Variants in HACD1 observed in about 807,000 individuals in gnomAD.
HACD1 encodes the protein 3-hydroxyacyl-CoA dehydratase 1.
A neutral mutation model predicts 32.0 loss-of-function variants in HACD1; 41 were observed. That is an observed-to-expected ratio of 1.28 (90% CI 1.00 to 1.66). The LOEUF (loss-of-function observed/expected upper bound fraction) is 1.66, where lower values mean the gene tolerates loss of function less well. Among genes scored for constraint, HACD1 ranks in the 40% most tolerant of loss-of-function variants. The pLI is 0.00. For missense variants in HACD1, 396 were observed against 380.1 expected, an observed-to-expected ratio of 1.04 and a Z score of -0.35; for synonymous variants, 142 against 139.0, an observed-to-expected ratio of 1.02 and a Z score of -0.15.
intron 6 of HACD1, among the ~76,000 whole-genome samples, chr10:17,593,013 C>A (rs1554815705): frequency 6.6e-6 from 1 of 152,042 alleles, no homozygotes; most frequent in African/African-American, 2.4e-5. Context: ...ACCAGCCTGG[C>A]CAATATGGTG....
In HACD1 at chr10:17,604,045, C is replaced by T; in HGVS notation, c.260G>A (p.Trp87Ter). 2 of 1,547,106 alleles carry T rather than the reference C, an allele frequency of 1.3e-6. No homozygotes were observed. The highest frequency in any genetic ancestry group is 1.2e-5 in the South Asian group (1 of 82,788). ...TACCATGGCAATAGCTAGAACCAAC[C>T]ACCTAAAAAAAAAAAGTATTTCATA... Reference protein sequence around the residue: ...TFYDIAMTAGWLVLAIAMVRF... With the variant: ...TFYDIAMTAG The change falls in exon 2 of 7, where the codon TGG becomes TAG. Residue 87 changes from tryptophan to a stop codon, truncating the protein, a stop_gained and splice_region_variant. Transcript: ENST00000361271. LOFTEE classifies it high-confidence loss of function.
At chr10:17,604,768 C>T (rs1834122601) in intron 1 of HACD1, among the ~76,000 whole-genome samples, 1 of 152,194 alleles carries the variant, frequency 6.6e-6, no homozygotes, top group Admixed American at 6.5e-5. Context: ...GGCAGTGGCG[C>T]AGTCTTGCCT....
At chr10:17,595,649 C>G (rs1043825092) in intron 5 of HACD1, among the ~76,000 whole-genome samples, 2 of 151,948 alleles carry the variant, frequency 1.3e-5, no homozygotes, top group African/African-American at 4.8e-5. Context: ...ACTCTGTGTT[C>G]TACTGGCTGG....
chr10:17,614,179 A>G (rs1185157827), intron 1 of HACD1, among the ~76,000 whole-genome samples: 1 of 152,168 alleles, frequency 6.6e-6, no homozygotes, highest in African/African-American at 2.4e-5. Flanking sequence ...ACGGTGGCTC[A>G]CACCTGTAAT....
intron 5 of HACD1, 192 bp downstream of exon 5, chr10:17,599,098 C>G: frequency 1.9e-6 from 2 of 1,026,808 alleles, no homozygotes; most frequent in Non-Finnish European, 2.5e-6. Context: ...TTTATTAATA[C>G]GATTCCTCTC....
At chr10:17,596,905 A>T (rs1554816055) in intron 5 of HACD1, among the ~76,000 whole-genome samples, 1 of 152,200 alleles carries the variant, frequency 6.6e-6, no homozygotes, top group African/African-American at 2.4e-5. Flanking sequence ...ACTTATAACT[A>T]AGAAGCCATT....
At chr10:17,606,179 A>AAG (rs1208281984) in intron 1 of HACD1, among the ~76,000 whole-genome samples, 2 of 152,112 alleles carry the variant, frequency 1.3e-5, no homozygotes, top group Non-Finnish European at 2.9e-5. Flanking sequence ...CAAAAAAAAC[A>AAG]AGAGAGAGAG....
At chr10:17,613,757 G>A (rs1184477048) in intron 1 of HACD1, among the ~76,000 whole-genome samples, 1 of 152,294 alleles carries the variant, frequency 6.6e-6, no homozygotes, top group Non-Finnish European at 1.5e-5. Flanking sequence ...ATTTAATTCT[G>A]CACCAGGTAA....
At chr10:17,600,611 C>A (rs1834056756) in intron 4 of HACD1, among the ~76,000 whole-genome samples, 1 of 152,082 alleles carries the variant, frequency 6.6e-6, no homozygotes, top group Non-Finnish European at 1.5e-5. Flanking sequence ...CAGGCATGAG[C>A]CACCATGCCC....
In HACD1 at chr10:17,599,344, G is replaced by A. The variant is rs1834037277; in HGVS notation, c.551C>T (p.Ser184Phe). Residue 184 changes from serine (S) to phenylalanine (F), a missense_variant, in exon 5 of 7, where the codon TCC (serine) becomes TTC (phenylalanine). Transcript: ENST00000361271. The part of the protein sequence containing the change: ...AWTVTEITRY[S>F]FYTFSLLDHL... Reference sequence around the variant, plus strand: ...GTCAAGAAGGCTGAATGTGTAGAAGGAATAGCGAGTGATCTCTGTCACAGT... The same window carrying A: ...GTCAAGAAGGCTGAATGTGTAGAAGAAATAGCGAGTGATCTCTGTCACAGT... 5.6e-6 allele frequency: 9 copies of A among 1,614,038 alleles called. No individual in the cohort carries two copies. The highest frequency in any genetic ancestry group is 1.3e-5 in the African/African-American group (1 of 75,058).
Position 17,617,100 on chromosome 10 carries a change from G to A in HACD1, c.240C>T (p.Asp80=). ...GCGCGTACCCCGCGGTCATGGCGAT[G>A]TCGTAGAAGGTGAGCCAGGCGGTGG... ...VLATAWLTFY[D]IAMTAGWLVL... The change falls in exon 1 of 7, where the codon GAC becomes GAT. Residue 80 remains aspartate, a synonymous_variant. Coordinates refer to ENST00000361271, the MANE Select transcript of HACD1 (RefSeq NM_014241.4). 2 of 1,497,186 alleles carry A rather than the reference G, an allele frequency of 1.3e-6. No homozygotes were observed. The highest frequency in any genetic ancestry group is 1.8e-6 in the Non-Finnish European group (2 of 1,126,232). 92.7% of individuals were successfully genotyped at this position (1,497,186 alleles called of 1,614,324 possible). A position where few individuals can be genotyped will look rare whatever the true frequency, so the allele number is the denominator to read the frequency against.
At chr10:17,605,239 G>A (rs1470900877) in intron 1 of HACD1, among the ~76,000 whole-genome samples, 1 of 152,004 alleles carries the variant, frequency 6.6e-6, no homozygotes, top group African/African-American at 2.4e-5. Flanking sequence ...AAAAAGTTAA[G>A]ATGGGCCGGG....
Position 17,594,352 on chromosome 10 carries a change from C to A in HACD1, c.637G>T (p.Gly213Ter). Residue 213 changes from glycine (G) to a stop codon, truncating the protein, a stop_gained, in exon 6 of 7, where the codon GGA becomes TGA. Coordinates refer to ENST00000361271, the MANE Select transcript of HACD1 (RefSeq NM_014241.4). LOFTEE classifies it high-confidence loss of function. Reference protein sequence around the residue: ...YNFFIILYPVGVAGELLTIYA... With the variant: ...YNFFIILYPV ...ATTGTAAGAAGTTCACCAGCAACTCCAACAGGATATAAGATGATAAAAAAA... is the reference window on the plus strand; with the variant it reads ...ATTGTAAGAAGTTCACCAGCAACTCAAACAGGATATAAGATGATAAAAAAA... The A allele has an allele frequency of 6.5e-7, 1 of 1,547,182 alleles. No homozygotes were observed. The highest frequency in any genetic ancestry group is 8.7e-7 in the Non-Finnish European group (1 of 1,147,512).
In HACD1 at chr10:17,590,320, AAT is replaced by A. The variant is rs1460208390; in HGVS notation, c.*42_*43del. 7.4e-7 allele frequency: 1 copy of A among 1,359,134 alleles called. No individual in the cohort carries two copies. The highest frequency in any genetic ancestry group is 1.0e-6 in the Non-Finnish European group (1 of 979,294). 84.2% of individuals were successfully genotyped at this position (1,359,134 alleles called of 1,614,324 possible). A position where few individuals can be genotyped will look rare whatever the true frequency, so the allele number is the denominator to read the frequency against. The stretch of plus-strand genomic sequence containing the variant: ...TTGTTATTAAAACTTGGACTCAGGT[AAT>A]CTTGGTTATTCTGGAAAAAGCACCT... On this transcript the variant is annotated 3_prime_UTR_variant, in exon 7 of 7. Coordinates refer to ENST00000361271, the MANE Select transcript of HACD1 (RefSeq NM_014241.4).
intron 1 of HACD1, among the ~76,000 whole-genome samples, chr10:17,606,226 G>A (rs532994075): frequency 4.6e-5 from 7 of 152,182 alleles, no homozygotes; most frequent in African/African-American, 1.4e-4. Context: ...ATATGCCCTC[G>A]CTTTTAAACT....
At chr10:17,612,998 A>G (rs1431222370) in intron 1 of HACD1, among the ~76,000 whole-genome samples, 1 of 152,066 alleles carries the variant, frequency 6.6e-6, no homozygotes, top group Non-Finnish European at 1.5e-5. Context: ...AAAGAAAATG[A>G]AAGTGTGTGA....
At chr10:17,597,790 AT>A (rs1554816120) in intron 5 of HACD1, among the ~76,000 whole-genome samples, 1 of 152,164 alleles carries the variant, frequency 6.6e-6, no homozygotes, top group African/African-American at 2.4e-5. Flanking sequence ...AGGTAAACAC[AT>A]TTTCATGTAC....
At chr10:17,609,223 C>T (rs1429030338) in intron 1 of HACD1, among the ~76,000 whole-genome samples, 4 of 149,138 alleles carry the variant, frequency 2.7e-5, no homozygotes, top group African/African-American at 7.5e-5. Flanking sequence ...GGCGCGATCT[C>T]GGCTCACTGC....
At chr10:17,614,446 G>A (rs536337724) in intron 1 of HACD1, among the ~76,000 whole-genome samples, 2 of 152,152 alleles carry the variant, frequency 1.3e-5, no homozygotes, top group South Asian at 2.1e-4. Context: ...TAATAGAGAC[G>A]GGGTTTTGCC....
Sources: allele counts gnomAD v4.1 joint callset (sites outside exome capture counted in the v4.1 genomes callset), GRCh38; gene constraint gnomAD v4.1.1; transcripts MANE v1.5; gene names NCBI Gene and HGNC (gene_info 2026-07-23, HGNC 2026-07-21).